MCTP1: variants seen among roughly 807,000 people sequenced by gnomAD.
The protein encoded by MCTP1 is multiple C2 and transmembrane domain containing 1, also known as multiple C2 and transmembrane domain-containing protein 1.
A neutral mutation model predicts 120.6 loss-of-function variants in MCTP1; 69 were observed. The observed-to-expected ratio is 0.57, with a 90% CI of 0.47 to 0.70. MCTP1 has a LOEUF of 0.70. Ranked by LOEUF, MCTP1 falls within the 30% of genes least tolerant of loss-of-function variation. MCTP1 has a pLI of 0.00. For missense variants in MCTP1, 1,203 were observed against 1,248.8 expected (o/e 0.96, Z 0.55); for synonymous variants, 529 against 493.1 (o/e 1.07, Z -0.96).
intron 1 of MCTP1, among the ~76,000 whole-genome samples, chr5:95,208,238 T>C (rs1486263469): frequency 1.3e-5 from 2 of 152,108 alleles, no homozygotes; most frequent in African/African-American, 4.8e-5. Flanking sequence ...TACAGGTGCC[T>C]GCAACCATGT....
At chr5:94,889,061 T>A in intron 11 of MCTP1, 89 bp from the exon 12 acceptor site, 1 of 816,564 alleles carries the variant, frequency 1.2e-6, no homozygotes, top group Non-Finnish European at 2.0e-6. Context: ...TTTTAGTTTA[T>A]CTTCAGACTC....
intron 2 of MCTP1, among the ~76,000 whole-genome samples, chr5:95,009,645 C>T (rs1173688012): frequency 6.6e-6 from 1 of 151,598 alleles, no homozygotes; most frequent in East Asian, 1.9e-4. Flanking sequence ...TTTAACTAGG[C>T]ATCATGTATT....
rs1267306328 is a variant in MCTP1, at chr5:95,017,362, C to T, written c.838+5G>A. 1.1e-5 allele frequency: 18 copies of T among 1,587,094 alleles called. No homozygotes were observed. The highest frequency in any genetic ancestry group is 1.7e-5 in the Admixed American group (1 of 58,864). ...TTCTAGGTGATATTGCTCTTATGCTCTTACCTCCTCGATCTCGAGCAGCTA... is the reference window on the plus strand; with the variant it reads ...TTCTAGGTGATATTGCTCTTATGCTTTTACCTCCTCGATCTCGAGCAGCTA... On this transcript the variant is annotated splice_donor_5th_base_variant and intron_variant, in intron 2 of 22. Transcript: ENST00000515393.
At chr5:94,819,118 T>TATTTATTTATTCATTCATTC (rs78332652) in intron 17 of MCTP1, among the ~76,000 whole-genome samples, 1 of 140,636 alleles carries the variant, frequency 7.1e-6, no homozygotes, top group African/African-American at 2.6e-5. Flanking sequence ...TTTATTTATT[T>TATTTATTTATTCATTCATTC]ATTCATTCAT....
At chr5:95,020,927 A>G (rs1466105084) in intron 1 of MCTP1, among the ~76,000 whole-genome samples, 3 of 152,034 alleles carry the variant, frequency 2.0e-5, no homozygotes, top group African/African-American at 7.2e-5. Flanking sequence ...TTCTGTGTCA[A>G]TACTATACCA....
chr5:94,768,868 C>G (rs1353106731), intron 19 of MCTP1, among the ~76,000 whole-genome samples: 1 of 152,142 alleles, frequency 6.6e-6, no homozygotes, highest in Non-Finnish European at 1.5e-5. Flanking sequence ...ATATGACCCA[C>G]AATCCCATTA....
chr5:94,905,630 T>C lies in MCTP1; in HGVS notation c.1652+3621A>G, dbSNP rs188893374. Among the ~76,000 whole-genome samples, 161 of 152,338 alleles carry C rather than the reference T, an allele frequency of 1.1e-3. 1 individual carries two copies. The highest frequency in any genetic ancestry group is 3.6e-3 in the African/African-American group (148 of 41,576). ...GAGAAAGAAAGGAATCAAACATGGT[T>C]CCACGATTTTTGGTGTTAGCAACAA... On this transcript the variant is annotated intron_variant, in intron 10 of 22. Coordinates refer to ENST00000515393, the MANE Select transcript of MCTP1 (RefSeq NM_024717.7).
At chr5:95,163,487 T>C (rs1258005561) in intron 1 of MCTP1, among the ~76,000 whole-genome samples, 1 of 152,114 alleles carries the variant, frequency 6.6e-6, no homozygotes, top group Non-Finnish European at 1.5e-5. Context: ...CTGTTTCAAA[T>C]GAAAGGGGGA....
At chr5:95,239,225 AAC>A (rs1755898525) in intron 1 of MCTP1, among the ~76,000 whole-genome samples, 1 of 152,176 alleles carries the variant, frequency 6.6e-6, no homozygotes, top group Admixed American at 6.5e-5. Context: ...GACGCGCAGA[AAC>A]AGAATAGGCA....
At chr5:95,173,270 A>G (rs887767730) in intron 1 of MCTP1, among the ~76,000 whole-genome samples, 2 of 152,202 alleles carry the variant, frequency 1.3e-5, no homozygotes, top group Admixed American at 1.3e-4. Flanking sequence ...ATAACTGACT[A>G]GAGTTACTAC....
At chr5:95,133,483 G>A (rs1291006946) in intron 1 of MCTP1, among the ~76,000 whole-genome samples, 7 of 152,188 alleles carry the variant, frequency 4.6e-5, no homozygotes, top group South Asian at 4.1e-4. Context: ...GCAAAACCCC[G>A]TCTCTACTAA....
chr5:94,808,503 A>C (rs1426369464), intron 17 of MCTP1, among the ~76,000 whole-genome samples: 1 of 152,196 alleles, frequency 6.6e-6, no homozygotes, highest in East Asian at 1.9e-4. Flanking sequence ...GAGCATTAAT[A>C]TGCTCAAAAG....
At chr5:95,224,506 CTT>C (rs11324947) in intron 1 of MCTP1, among the ~76,000 whole-genome samples, 1,421 of 111,372 alleles carry the variant, frequency 0.013, 14 homozygotes, top group African/African-American at 0.035. Context: ...CACAGACTGT[CTT>C]TTTTTTTTTT....
intron 19 of MCTP1, among the ~76,000 whole-genome samples, chr5:94,766,988 T>C (rs547366837): frequency 1.5e-4 from 23 of 152,228 alleles, no homozygotes; most frequent in Admixed American, 1.2e-3. Flanking sequence ...TACATGCCAA[T>C]ATCCCTGATG....
chr5:94,816,368 A>C (rs1784483223), intron 17 of MCTP1, among the ~76,000 whole-genome samples: 1 of 152,168 alleles, frequency 6.6e-6, no homozygotes, highest in African/African-American at 2.4e-5. Flanking sequence ...TTAAAATATC[A>C]ATTCAATTAT....
At chr5:95,155,018 T>C (rs556337758) in intron 1 of MCTP1, among the ~76,000 whole-genome samples, 40 of 152,258 alleles carry the variant, frequency 2.6e-4, no homozygotes, top group Non-Finnish European at 4.9e-4. Flanking sequence ...CCTGTATAAT[T>C]TTATAATGAA....
intron 7 of MCTP1, among the ~76,000 whole-genome samples, chr5:94,922,941 C>T (rs994373777): frequency 7.1e-5 from 9 of 127,060 alleles, no homozygotes; most frequent in African/African-American, 2.7e-4. Context: ...GGCAGCCAAA[C>T]AGTAGAAATG....
intron 2 of MCTP1, among the ~76,000 whole-genome samples, chr5:94,988,294 G>T (rs183246559): frequency 8.0e-6 from 1 of 125,252 alleles, no homozygotes; most frequent in African/African-American, 2.8e-5. Flanking sequence ...ATACCTTTAC[G>T]TTAACAGATA....
intron 19 of MCTP1, among the ~76,000 whole-genome samples, chr5:94,744,583 A>G (rs1336813751): frequency 6.6e-6 from 1 of 151,996 alleles, no homozygotes; most frequent in African/African-American, 2.4e-5. Flanking sequence ...AGCTCACTGC[A>G]ACCTCTGTCT....
Sources: gnomAD v4.1 joint callset for allele counts (sites outside exome capture counted in the v4.1 genomes callset) on GRCh38, gnomAD v4.1.1 for gene constraint, MANE v1.5 for transcripts, NCBI Gene and HGNC (gene_info 2026-07-23, HGNC 2026-07-21) for gene names.